Variants in SEPTIN14 observed in about 807,000 individuals in gnomAD.
SEPTIN14 encodes the protein septin 14.
Under a neutral mutation model 53.6 loss-of-function variants are expected in SEPTIN14, and 40 were observed. The observed-to-expected ratio is 0.75, with a 90% CI of 0.58 to 0.97. The LOEUF is 0.97. Ranked by LOEUF, SEPTIN14 falls within the 50% of genes least tolerant of loss-of-function variation. The probability of loss-of-function intolerance (pLI) is 0.00; values close to 1 mark genes in which losing one functional copy is unlikely to be tolerated. For synonymous variants in SEPTIN14, 138 were observed against 166.8 expected (o/e 0.83, Z 1.33); for missense variants, 471 against 508.2 (o/e 0.93, Z 0.70).
intron 6 of SEPTIN14, among the ~76,000 whole-genome samples, chr7:55,833,757 T>TG (rs547820260): frequency 4.9e-5 from 7 of 142,326 alleles, no homozygotes; most frequent in Non-Finnish European, 7.4e-5. Context: ...AGAGTTGATT[T>TG]GGGGAAAAAA....
Position 55,851,692 on chromosome 7 carries a change from T to C in SEPTIN14, c.55-5055A>G, listed in dbSNP as rs565171800. 8.4e-4 allele frequency among the ~76,000 whole-genome samples: 128 copies of C among 152,132 alleles called. 2 individuals are homozygous for C. Among genetic ancestry groups the C allele is most frequent in the African/African-American group, 2.8e-3 (115 of 41,546 alleles). On this transcript the variant is annotated intron_variant, in intron 2 of 9. Coordinates refer to ENST00000388975, the MANE Select transcript of SEPTIN14 (RefSeq NM_207366.3). Reference sequence around the variant, plus strand: ...ATATTTAACTCAATCCCTATCAAAATACCAATGACATTCTCCACAGAAATA... The same window carrying C: ...ATATTTAACTCAATCCCTATCAAAACACCAATGACATTCTCCACAGAAATA...
chr7:55,843,498 A>T (rs534803634), intron 4 of SEPTIN14, among the ~76,000 whole-genome samples: 11 of 152,330 alleles, frequency 7.2e-5, no homozygotes, highest in African/African-American at 2.2e-4. Flanking sequence ...CAAAACCACA[A>T]TGAGATATCA....
chr7:55,857,732 C>T (rs1381586275), intron 2 of SEPTIN14, among the ~76,000 whole-genome samples: 1 of 150,798 alleles, frequency 6.6e-6, no homozygotes, highest in Non-Finnish European at 1.5e-5. Context: ...GGACTACAGG[C>T]GCCCGCCACC....
rs1210983007 is a variant in SEPTIN14, at chr7:55,795,464, T to C, written c.*449A>G. 1.6e-3 allele frequency: 127 copies of C among 80,178 alleles called. 3 individuals are homozygous for C. Among genetic ancestry groups the C allele is most frequent in the African/African-American group, 4.3e-3 (112 of 26,232 alleles). 5.0% of individuals were successfully genotyped at this position (80,178 alleles called of 1,614,324 possible). ...GATCTGCCTTCTGGGAGTTCATACT[T>C]TTTTTTTTTTTTTTTTTTTTGAGGC... On this transcript the variant is annotated 3_prime_UTR_variant, in exon 10 of 10. Coordinates refer to ENST00000388975, the MANE Select transcript of SEPTIN14 (RefSeq NM_207366.3).
intron 5 of SEPTIN14, among the ~76,000 whole-genome samples, chr7:55,842,609 A>T (rs1220540305): frequency 1.1e-5 from 1 of 92,742 alleles, no homozygotes; most frequent in Non-Finnish European, 1.9e-5. Flanking sequence ...CCTCAAATAC[A>T]AAAAAAAAAA....
chr7:55,819,482 G>C (rs1241410051), intron 6 of SEPTIN14, among the ~76,000 whole-genome samples: 3 of 152,054 alleles, frequency 2.0e-5, no homozygotes, highest in Non-Finnish European at 4.4e-5. Flanking sequence ...CCAGCTACTC[G>C]GGAGGCTGAG....
At chr7:55,857,044 T>C (rs1789641854) in intron 2 of SEPTIN14, among the ~76,000 whole-genome samples, 1 of 151,558 alleles carries the variant, frequency 6.6e-6, no homozygotes, top group Non-Finnish European at 1.5e-5. Context: ...CACTCCCGCC[T>C]GGGTGACAGA....
At chr7:55,800,335 T>C (rs1788504498) in intron 9 of SEPTIN14, among the ~76,000 whole-genome samples, 1 of 152,136 alleles carries the variant, frequency 6.6e-6, no homozygotes, top group Non-Finnish European at 1.5e-5. Context: ...TTAAAATAAT[T>C]GAACTCAGTC....
rs1373794536 is a variant in SEPTIN14, at chr7:55,830,342, TATATA to T, written c.720+4078_720+4082del. Among the ~76,000 whole-genome samples the T allele has an allele frequency of 3.9e-3, 172 of 44,086 alleles. 1 individual carries two copies. The highest frequency in any genetic ancestry group is 0.027 in the South Asian group (28 of 1,052). The allele number at this position is 44,086 out of a possible 152,430, so 28.9% of individuals were successfully genotyped here. ...AACTGTATATATATATATATATATATATATATATTTTTTTTTTTTTTTGAGACGGA... is the reference window on the plus strand; with the variant it reads ...AACTGTATATATATATATATATATATTATTTTTTTTTTTTTTTGAGACGGA... On this transcript the variant is annotated intron_variant, in intron 6 of 9. Coordinates refer to ENST00000388975, the MANE Select transcript of SEPTIN14 (RefSeq NM_207366.3).
intron 7 of SEPTIN14, among the ~76,000 whole-genome samples, chr7:55,808,028 G>A (rs1485446949): frequency 6.6e-6 from 1 of 152,104 alleles, no homozygotes; most frequent in African/African-American, 2.4e-5. Context: ...GCAGACCTGA[G>A]GGGGAGATAG....
intron 7 of SEPTIN14, among the ~76,000 whole-genome samples, chr7:55,814,729 C>G (rs1788762567): frequency 6.6e-6 from 1 of 152,070 alleles, no homozygotes; most frequent in South Asian, 2.1e-4. Flanking sequence ...TCATACTGCT[C>G]AAAGCAATCT....
At chr7:55,821,401 T>C (rs1260394874) in intron 6 of SEPTIN14, among the ~76,000 whole-genome samples, 2 of 152,102 alleles carry the variant, frequency 1.3e-5, no homozygotes, top group Non-Finnish European at 2.9e-5. Flanking sequence ...TCCAGAACCC[T>C]GCCTCAGAGA....
intron 7 of SEPTIN14, among the ~76,000 whole-genome samples, chr7:55,809,853 GAC>G (rs1465963687): frequency 8.7e-6 from 1 of 114,350 alleles, no homozygotes; most frequent in African/African-American, 3.6e-5. Context: ...TTTTTTTTGA[GAC>G]AGAGTCTCAC....
chr7:55,835,294 C>T (rs1027404914), intron 5 of SEPTIN14, among the ~76,000 whole-genome samples: 2 of 152,030 alleles, frequency 1.3e-5, no homozygotes, highest in African/African-American at 2.4e-5. Context: ...GCTCCGCCTC[C>T]CAGGTTCATG....
intron 2 of SEPTIN14, among the ~76,000 whole-genome samples, chr7:55,853,951 C>T (rs780106423): frequency 6.6e-6 from 1 of 151,894 alleles, no homozygotes; most frequent in Non-Finnish European, 1.5e-5. Context: ...CCTGTCTCTA[C>T]TGAAAATAAA....
chr7:55,860,765 A>G (rs1407737690), intron 2 of SEPTIN14, among the ~76,000 whole-genome samples: 1 of 152,192 alleles, frequency 6.6e-6, no homozygotes, highest in East Asian at 1.9e-4. Flanking sequence ...CTTTTATAAC[A>G]GAAGCTTGAG....
At chr7:55,860,904 T>TGG (rs1254353857) in intron 2 of SEPTIN14, among the ~76,000 whole-genome samples, 15 of 152,170 alleles carry the variant, frequency 9.9e-5, no homozygotes, top group Non-Finnish European at 1.9e-4. Context: ...TCTAGAACTG[T>TGG]GAACAATGCA....
rs1789170276 is a variant in SEPTIN14 at position 55,834,556 on chromosome 7, C to G, written c.589G>C (p.Asp197His). 6.2e-7 allele frequency: 1 copy of G among 1,610,368 alleles called. No individual in the cohort carries two copies. Among genetic ancestry groups the G allele is most frequent in the Non-Finnish European group, 8.5e-7 (1 of 1,177,486 alleles). The change falls in exon 6 of 10, where the codon GAC (aspartate) becomes CAC (histidine). Residue 197 changes from aspartate (D) to histidine (H), a missense_variant. By Grantham distance (81) the Asp-to-His change is moderately conservative. Transcript: ENST00000388975. The stretch of plus-strand genomic sequence containing the variant: ...TGTAAATCATTTTTAGAAATAGTGT[C>G]TGCTTTGGCAATCAGTGGTATAATA... ...VNIIPLIAKADTISKNDLQTF... is the reference protein window; with the variant it reads ...VNIIPLIAKAHTISKNDLQTF...
intron 5 of SEPTIN14, among the ~76,000 whole-genome samples, chr7:55,840,499 A>G (rs944180544): frequency 6.6e-6 from 1 of 152,056 alleles, no homozygotes; most frequent in African/African-American, 2.4e-5. Flanking sequence ...CGAAAAAAAA[A>G]GACAAAATGT....
Sources: allele counts gnomAD v4.1 joint callset (sites outside exome capture counted in the v4.1 genomes callset), GRCh38; gene constraint gnomAD v4.1.1; transcripts MANE v1.5; gene names NCBI Gene and HGNC (gene_info 2026-07-23, HGNC 2026-07-21).